DYM: variants seen among roughly 807,000 people sequenced by gnomAD.
The protein encoded by DYM is dyggve-Melchior-Clausen syndrome protein.
A neutral mutation model predicts 93.1 loss-of-function variants in DYM; 78 were observed. The ratio of observed to expected loss-of-function variants is 0.84; its 90% CI spans 0.70 to 1.01. DYM has a LOEUF of 1.01. Among genes scored for constraint, DYM ranks in the 50% least tolerant of loss-of-function variants. The pLI is 0.00. For missense variants in DYM, 789 were observed against 845.0 expected (o/e 0.93, Z 0.82); for synonymous variants, 321 against 319.7 (o/e 1.00, Z -0.04).
intron 14 of DYM, among the ~76,000 whole-genome samples, chr18:49,170,493 T>C (rs558898992): frequency 6.6e-6 from 1 of 152,106 alleles, no homozygotes; most frequent in East Asian, 1.9e-4. Context: ...AAGAAAGAAC[T>C]GTATGAGGTC....
At chr18:49,380,598 C>G (rs1428327182) in intron 3 of DYM, among the ~76,000 whole-genome samples, 8 of 152,196 alleles carry the variant, frequency 5.3e-5, no homozygotes, top group Non-Finnish European at 1.5e-5. Context: ...AAATCTTTGA[C>G]TTTAAACTGC....
intron 5 of DYM, among the ~76,000 whole-genome samples, chr18:49,369,205 G>T (rs1444973138): frequency 6.6e-6 from 1 of 152,218 alleles, no homozygotes; most frequent in Non-Finnish European, 1.5e-5. Flanking sequence ...TAGCAGCCTA[G>T]TCAAGATACC....
At chr18:49,318,797 CT>C (rs932617888) in intron 8 of DYM, among the ~76,000 whole-genome samples, 2,593 of 114,348 alleles carry the variant, frequency 0.023, 10 homozygotes, top group Middle Eastern at 0.037. Flanking sequence ...ATTTCTTTTT[CT>C]TTTTTTTTTT....
intron 14 of DYM, among the ~76,000 whole-genome samples, chr18:49,189,947 A>C (rs2090815304): frequency 6.6e-6 from 1 of 152,232 alleles, no homozygotes; most frequent in Non-Finnish European, 1.5e-5. Flanking sequence ...ATTCTTCAAA[A>C]GGAATATTAA....
chr18:49,442,191 A>G (rs1019365707), intron 1 of DYM, among the ~76,000 whole-genome samples: 2 of 152,196 alleles, frequency 1.3e-5, no homozygotes, highest in Admixed American at 6.5e-5. Context: ...TCAACTTTAA[A>G]TAAGAATGGA....
rs56240607 is a variant in DYM at position 49,289,404 on chromosome 18, TAAAAAAAA to T, written c.764-2796_764-2789del. ...ATTTTTTTAAAAATCTACAAATCAG[TAAAAAAAA>T]AAAAAAAAAAAAAAAAAAAAGTAAT... On this transcript the variant is annotated intron_variant, in intron 8 of 17. Transcript: ENST00000675505. 8.7e-4 allele frequency among the ~76,000 whole-genome samples: 29 copies of T among 33,522 alleles called. 1 individual carries two copies. The highest frequency in any genetic ancestry group is 2.0e-3 in the South Asian group (2 of 1,004). 22.0% of individuals were successfully genotyped at this position (33,522 alleles called of 152,430 possible).
chr18:49,119,194 T>G (rs1438089318), intron 15 of DYM, among the ~76,000 whole-genome samples: 1 of 152,204 alleles, frequency 6.6e-6, no homozygotes, highest in Non-Finnish European at 1.5e-5. Context: ...AGAGGGAAAT[T>G]TGGAGCTTAC....
At chr18:49,384,819 A>G (rs1194149868) in intron 3 of DYM, among the ~76,000 whole-genome samples, 1 of 151,980 alleles carries the variant, frequency 6.6e-6, no homozygotes, top group African/African-American at 2.4e-5. Flanking sequence ...CAGAGACAAA[A>G]AGATAACAGA....
chr18:49,281,344 C>T (rs1416975675), intron 10 of DYM, among the ~76,000 whole-genome samples: 2 of 152,190 alleles, frequency 1.3e-5, no homozygotes, highest in African/African-American at 2.4e-5. Context: ...AACACTTTTA[C>T]ACTGTTGGTG....
chr18:49,394,477 T>C (rs2069791281), intron 2 of DYM, among the ~76,000 whole-genome samples: 1 of 152,140 alleles, frequency 6.6e-6, no homozygotes, highest in South Asian at 2.1e-4. Flanking sequence ...GTCTCCAGAT[T>C]TGCTCTTTTT....
At chr18:49,356,731 C>A (rs2065603594) in intron 6 of DYM, among the ~76,000 whole-genome samples, 1 of 152,144 alleles carries the variant, frequency 6.6e-6, no homozygotes. Context: ...CTCACTGTTA[C>A]TACCAAATGT....
Position 49,042,555 on chromosome 18 carries a change from G to C in DYM, c.*1500C>G, listed in dbSNP as rs975011099. 4.6e-5 allele frequency: 7 copies of C among 152,296 alleles called. No homozygotes were observed. The highest frequency in any genetic ancestry group is 1.7e-4 in the African/African-American group (7 of 41,456). The allele number at this position is 152,296 out of a possible 1,614,324, so 9.4% of individuals were successfully genotyped here. A position where few individuals can be genotyped will look rare whatever the true frequency, so the allele number is the denominator to read the frequency against. On this transcript the variant is annotated 3_prime_UTR_variant, in exon 18 of 18. Transcript: ENST00000675505. ...TCCGAGGCCCTCGGAAGATTTGATG[G>C]ACTCAAATAACACGGGCCTGCAGCC...
At chr18:49,194,643 G>GATC (rs1327199793) in intron 14 of DYM, among the ~76,000 whole-genome samples, 3 of 151,996 alleles carry the variant, frequency 2.0e-5, no homozygotes, top group Non-Finnish European at 4.4e-5. Context: ...TTTTAGTGTA[G>GATC]ATCACTGTGG....
intron 17 of DYM, among the ~76,000 whole-genome samples, chr18:49,092,680 T>C (rs564098325): frequency 1.3e-5 from 2 of 152,272 alleles, no homozygotes; most frequent in African/African-American, 4.8e-5. Context: ...TTGTATATTA[T>C]AGGTGATATC....
In DYM at chr18:49,243,383, G is replaced by A. The variant is rs988458411; in HGVS notation, c.1460+13627C>T. On this transcript the variant is annotated intron_variant, in intron 13 of 17. Coordinates refer to ENST00000675505, the MANE Select transcript of DYM (RefSeq NM_001353214.3). Reference sequence around the variant, plus strand: ...TACTCCACGAAGAAATCATTGTTAGGGCTGGGCGTGGTGGCTCACGCTTGT... The same window carrying A: ...TACTCCACGAAGAAATCATTGTTAGAGCTGGGCGTGGTGGCTCACGCTTGT... Among the ~76,000 whole-genome samples the A allele has an allele frequency of 7.6e-4, 116 of 152,092 alleles. 10 individuals are homozygous for A. Among genetic ancestry groups the A allele is most frequent in the Non-Finnish European group, 1.5e-5 (1 of 68,018 alleles).
At chr18:49,253,237 A>G (rs966098146) in intron 13 of DYM, among the ~76,000 whole-genome samples, 2 of 152,368 alleles carry the variant, frequency 1.3e-5, no homozygotes, top group African/African-American at 4.8e-5. Flanking sequence ...GGAATCATGT[A>G]TATGAAAACT....
At chr18:49,388,554 A>G (rs112660451) in intron 3 of DYM, among the ~76,000 whole-genome samples, 1,649 of 151,940 alleles carry the variant, frequency 0.011, 30 homozygotes, top group African/African-American at 0.038. Context: ...ATATAAACAC[A>G]TAATGGCTAA....
In DYM at chr18:49,118,806, C is replaced by T. The variant is rs769667648; in HGVS notation, c.1849G>A (p.Asp617Asn). ...NLVYALLYKR[D>N]LFEQFRTHPS... ...TGAGTTCGAAATTGTTCAAAGAGAT[C>T]GCGTTTGTAAAGCAGGGCGTATACC... Residue 617 changes from aspartate (D) to asparagine (N), a missense_variant, in exon 16 of 18, where the codon GAT becomes AAT. Around this residue, in one of 3 missense-constraint regions of DYM, gnomAD observed 225 missense variants for 303.0 expected, o/e 0.74. Transcript: ENST00000675505. 26 of 1,614,022 alleles carry T rather than the reference C, an allele frequency of 1.6e-5. No individual in the cohort carries two copies. The highest frequency in any genetic ancestry group is 7.7e-5 in the South Asian group (7 of 91,072).
At chr18:49,401,659 A>C (rs1367823410) in intron 2 of DYM, among the ~76,000 whole-genome samples, 3 of 151,990 alleles carry the variant, frequency 2.0e-5, no homozygotes, top group African/African-American at 7.2e-5. Context: ...CACACACACA[A>C]AATCTGAAAC....
Sources: gnomAD v4.1 joint callset for allele counts (sites outside exome capture counted in the v4.1 genomes callset) on GRCh38, gnomAD v4.1.1 for gene constraint, gnomAD v4.1.1 regional missense constraint, MANE v1.5 for transcripts, NCBI Gene and HGNC (gene_info 2026-07-23, HGNC 2026-07-21) for gene names.